PTPN2: variants seen among roughly 807,000 people sequenced by gnomAD.
PTPN2 encodes the protein protein tyrosine phosphatase non-receptor type 2.
In PTPN2, 19 loss-of-function variants were observed where a neutral mutation model predicts 57.3. The observed-to-expected ratio is 0.33, with a 90% CI of 0.23 to 0.49. PTPN2 has a LOEUF of 0.49. Ranked by LOEUF, PTPN2 falls within the 20% of genes least tolerant of loss-of-function variation. The pLI is 0.99. For synonymous variants in PTPN2, 153 were observed against 164.9 expected, an observed-to-expected ratio of 0.93 and a Z score of 0.55; for missense variants, 358 against 501.1, an observed-to-expected ratio of 0.71 and a Z score of 2.73.
intron 1 of PTPN2, among the ~76,000 whole-genome samples, chr18:12,874,887 T>C (rs529655730): frequency 2.0e-5 from 3 of 152,240 alleles, no homozygotes; most frequent in Non-Finnish European, 4.4e-5. Context: ...GGGGAAAAGA[T>C]TGAGAAATCG....
intron 7 of PTPN2, among the ~76,000 whole-genome samples, chr18:12,812,526 G>A (rs934336231): frequency 2.0e-5 from 3 of 152,108 alleles, no homozygotes; most frequent in African/African-American, 7.2e-5. Context: ...TTGAACCTGG[G>A]AGGCAGAGGC....
intron 2 of PTPN2, among the ~76,000 whole-genome samples, chr18:12,849,737 C>A (rs2043331183): frequency 6.6e-6 from 1 of 152,024 alleles, no homozygotes; most frequent in South Asian, 2.1e-4. Flanking sequence ...ATGAAACATA[C>A]CGGTAAAACC....
chr18:12,833,617 A>T (rs1387864772), intron 3 of PTPN2, among the ~76,000 whole-genome samples: 3 of 152,214 alleles, frequency 2.0e-5, no homozygotes, highest in Non-Finnish European at 4.4e-5. Flanking sequence ...AGTTTAGGGC[A>T]TATTTGGGAA....
At chr18:12,804,959 A>C (rs1041870767) in intron 7 of PTPN2, among the ~76,000 whole-genome samples, 4 of 152,222 alleles carry the variant, frequency 2.6e-5, no homozygotes, top group African/African-American at 9.6e-5. Flanking sequence ...ATATGGATGC[A>C]AAAATCCTGA....
At chr18:12,803,576 A>C (rs1277296526) in intron 7 of PTPN2, among the ~76,000 whole-genome samples, 1 of 152,248 alleles carries the variant, frequency 6.6e-6, no homozygotes, top group Non-Finnish European at 1.5e-5. Flanking sequence ...AATTAAAACC[A>C]AAAAGAGAAG....
intron 1 of PTPN2, among the ~76,000 whole-genome samples, chr18:12,881,822 G>GT: frequency 6.6e-6 from 1 of 152,146 alleles, no homozygotes; most frequent in Non-Finnish European, 1.5e-5. Flanking sequence ...AGCTTTACAT[G>GT]TATCACTTTA....
At chr18:12,829,054 C>T (rs1426577553) in intron 4 of PTPN2, among the ~76,000 whole-genome samples, 1 of 152,198 alleles carries the variant, frequency 6.6e-6, no homozygotes, top group African/African-American at 2.4e-5. Context: ...TGCGCCACCA[C>T]ACCCAGCTAA....
Position 12,814,339 on chromosome 18 carries a change from T to C in PTPN2, c.722A>G (p.Asp241Gly), listed in dbSNP as rs2041993213. Residue 241 changes from aspartate (D) to glycine (G), a missense_variant, in exon 7 of 9, where the codon GAT becomes GGT. Around this residue, in one of 4 missense-constraint regions of PTPN2, gnomAD observed 193 missense variants for 315.4 expected, o/e 0.61. Transcript: ENST00000309660. ...CAGTAACACTTGTTTTATGTTAATA[T>C]CATCTCCTTTTTCCATCTGCAAGAA... ...TCLVLMEKGD[D>G]INIKQVLLNM... The C allele has an allele frequency of 6.3e-7, 1 of 1,593,596 alleles. No individual in the cohort carries two copies. The highest frequency in any genetic ancestry group is 1.4e-5 in the African/African-American group (1 of 73,862).
In PTPN2 at chr18:12,795,560, G is replaced by A. The variant is rs143524476; in HGVS notation, c.1041-1075C>T. On this transcript the variant is annotated intron_variant, in intron 8 of 8. Coordinates refer to ENST00000309660, the MANE Select transcript of PTPN2 (RefSeq NM_002828.4). ...TCCGCCCACCTCAGCCTCCCAAAGTGCTGGGATTACAGGCATGAGCCACTG... is the reference window on the plus strand; with the variant it reads ...TCCGCCCACCTCAGCCTCCCAAAGTACTGGGATTACAGGCATGAGCCACTG... Among the ~76,000 whole-genome samples, 650 of 152,246 alleles carry A rather than the reference G, an allele frequency of 4.3e-3. 3 individuals are homozygous for A. The highest frequency in any genetic ancestry group is 0.015 in the African/African-American group (635 of 41,532).
chr18:12,840,991 CAACA>C, intron 2 of PTPN2: 5 of 1,430,080 alleles, frequency 3.5e-6, no homozygotes, highest in Non-Finnish European at 4.6e-6. Flanking sequence ...AATTTTTAGT[CAACA>C]AACATATTTT....
chr18:12,800,111 AACAC>A (rs1445333568), intron 8 of PTPN2, among the ~76,000 whole-genome samples: 3 of 152,080 alleles, frequency 2.0e-5, no homozygotes, highest in African/African-American at 7.3e-5. Flanking sequence ...CAGGCACATA[AACAC>A]ACACACAGAC....
chr18:12,863,412 T>C (rs1388675792), intron 1 of PTPN2: 1 of 151,828 alleles, frequency 6.6e-6, no homozygotes, highest in South Asian at 2.1e-4. Flanking sequence ...TGAGCTAGCA[T>C]CCTGCTACTG....
intron 3 of PTPN2, among the ~76,000 whole-genome samples, chr18:12,831,535 A>G (rs944570112): frequency 2.0e-5 from 3 of 152,220 alleles, no homozygotes; most frequent in African/African-American, 7.2e-5. Context: ...CTAGCTGCAA[A>G]GAAGGTAGAC....
At position 12,839,979 on chromosome 18, in the gene PTPN2, T is replaced by C. The variant is rs555986434; in HGVS notation, c.161-3088A>G. ...AACAACCCACAGCTTTCACCAAATA[T>C]ATCATTATTGTAAAGACATCTCCTT... On this transcript the variant is annotated intron_variant, in intron 2 of 8. Coordinates refer to ENST00000309660, the MANE Select transcript of PTPN2 (RefSeq NM_002828.4). Among the ~76,000 whole-genome samples the C allele has an allele frequency of 1.1e-4, 17 of 151,648 alleles. No homozygotes were observed. The South Asian group carries it at 3.5e-3, about 32-fold the overall frequency.
chr18:12,874,712 G>C (rs548734240), intron 1 of PTPN2, among the ~76,000 whole-genome samples: 53 of 151,106 alleles, frequency 3.5e-4, no homozygotes, highest in African/African-American at 1.3e-3. Flanking sequence ...CCGGCCAGCC[G>C]CCCCACCCGG....
chr18:12,818,589 A>G (rs68009022), intron 5 of PTPN2, among the ~76,000 whole-genome samples: 44,346 of 151,342 alleles, frequency 0.29, 6,952 homozygotes, highest in South Asian at 0.48. Context: ...TATACTCTTC[A>G]TTTGTGTAAA....
chr18:12,809,577 G>C (rs2041819507), intron 7 of PTPN2, among the ~76,000 whole-genome samples: 1 of 152,264 alleles, frequency 6.6e-6, no homozygotes, highest in Non-Finnish European at 1.5e-5. Context: ...CAAATGACTT[G>C]GTATGGACAG....
downstream of PTPN2, among the ~76,000 whole-genome samples, chr18:12,789,193 G>A (rs898084902): frequency 3.3e-5 from 5 of 151,940 alleles, no homozygotes; most frequent in African/African-American, 1.2e-4. Flanking sequence ...CACTTCTAGG[G>A]GCAGGTGGGA....
At chr18:12,828,272 T>G (rs2145363275) in intron 4 of PTPN2, among the ~76,000 whole-genome samples, 1 of 152,314 alleles carries the variant, frequency 6.6e-6, no homozygotes, top group Non-Finnish European at 1.5e-5. Flanking sequence ...CACTAGAGAA[T>G]GAGCTTTAGT....
Sources: gnomAD v4.1 joint callset for allele counts (sites outside exome capture counted in the v4.1 genomes callset) on GRCh38, gnomAD v4.1.1 for gene constraint, gnomAD v4.1.1 regional missense constraint, MANE v1.5 for transcripts, NCBI Gene and HGNC (gene_info 2026-07-23, HGNC 2026-07-21) for gene names.